Variants in ALK observed in about 807,000 individuals in gnomAD.
The protein encoded by ALK is ALK tyrosine kinase receptor.
In ALK, 74 loss-of-function variants were observed where a neutral mutation model predicts 163.1. That is an observed-to-expected ratio of 0.45 (90% CI 0.38 to 0.55). The LOEUF (loss-of-function observed/expected upper bound fraction) is 0.55, where lower values mean the gene tolerates loss of function less well. Among genes scored for constraint, ALK ranks in the 20% least tolerant of loss-of-function variants. The probability of loss-of-function intolerance (pLI) is 0.00; values close to 1 mark genes in which losing one functional copy is unlikely to be tolerated. For synonymous variants in ALK, 960 were observed against 843.2 expected (o/e 1.14, Z -2.40); for missense variants, 2,063 against 2,105.3 (o/e 0.98, Z 0.39).
At chr2:29,882,284 T>C (rs567986382) in intron 1 of ALK, among the ~76,000 whole-genome samples, 11 of 152,194 alleles carry the variant, frequency 7.2e-5, no homozygotes, top group African/African-American at 2.4e-4. Context: ...AAGCCACAAA[T>C]TGCAAACAAG....
chr2:29,838,275 G>C (rs1350513076), intron 1 of ALK, among the ~76,000 whole-genome samples: 1 of 152,008 alleles, frequency 6.6e-6, no homozygotes, highest in Non-Finnish European at 1.5e-5. Flanking sequence ...ATAAAAGTGA[G>C]ACAAAAAGTT....
At chr2:29,707,031 T>TGTGTGTGTG (rs1678931928) in intron 2 of ALK, among the ~76,000 whole-genome samples, 6 of 63,100 alleles carry the variant, frequency 9.5e-5, no homozygotes, top group East Asian at 4.9e-4. Context: ...GTGTGTGTGT[T>TGTGTGTGTG]GGGTAAGGAA....
At chr2:29,522,494 C>T (rs927164290) in intron 4 of ALK, among the ~76,000 whole-genome samples, 1 of 152,164 alleles carries the variant, frequency 6.6e-6, no homozygotes, top group Non-Finnish European at 1.5e-5. Flanking sequence ...CAGCCTCATT[C>T]TCTCCCTGTC....
chr2:29,353,723 T>C (rs1250573392), intron 5 of ALK, among the ~76,000 whole-genome samples: 1 of 140,178 alleles, frequency 7.1e-6, no homozygotes, highest in Non-Finnish European at 1.6e-5. Flanking sequence ...AGTGAGGATC[T>C]AAAAAAAAAA....
intron 9 of ALK, 71 bp from the exon 10 acceptor site, chr2:29,275,567 A>G: frequency 6.7e-7 from 1 of 1,495,664 alleles, no homozygotes. Context: ...AGCATCCAGC[A>G]GGTGTGTGCT....
At chr2:29,794,592 C>T (rs117167099) in intron 1 of ALK, among the ~76,000 whole-genome samples, 1 of 152,190 alleles carries the variant, frequency 6.6e-6, no homozygotes, top group East Asian at 1.9e-4. Flanking sequence ...TTCACGTGAA[C>T]ACTTAGAGGC....
In ALK at chr2:29,840,104, C is replaced by T. The variant is rs888424027; in HGVS notation, c.667+79889G>A. Among the ~76,000 whole-genome samples, 7 of 152,104 alleles carry T rather than the reference C, an allele frequency of 4.6e-5. No individual in the cohort carries two copies. In the South Asian group the frequency reaches 1.2e-3, roughly 27 times the overall value. ...TTTATTCTTAACTGCTACGTTATAC[C>T]GCCTCCTTGACATATATGTCTCATA... On this transcript the variant is annotated intron_variant, in intron 1 of 28. Transcript: ENST00000389048.
At chr2:29,905,565 GA>G (rs1667522707) in intron 1 of ALK, among the ~76,000 whole-genome samples, 1 of 151,460 alleles carries the variant, frequency 6.6e-6, no homozygotes, top group Non-Finnish European at 1.5e-5. Context: ...AAAGGAAAGG[GA>G]AAGGGAAGGG....
intron 3 of ALK, among the ~76,000 whole-genome samples, chr2:29,630,277 T>C (rs1676325517): frequency 6.6e-6 from 1 of 152,198 alleles, no homozygotes; most frequent in Non-Finnish European, 1.5e-5. Context: ...AAGTTCCTCC[T>C]CCTTGCAAAG....
intron 1 of ALK, among the ~76,000 whole-genome samples, chr2:29,731,878 T>C (rs976851367): frequency 1.3e-5 from 2 of 152,186 alleles, no homozygotes; most frequent in African/African-American, 4.8e-5. Flanking sequence ...CCCTGACTCC[T>C]TGGGAGGTTC....
At chr2:29,616,341 G>C (rs1255497892) in intron 3 of ALK, among the ~76,000 whole-genome samples, 2 of 152,200 alleles carry the variant, frequency 1.3e-5, no homozygotes, top group African/African-American at 4.8e-5. Context: ...GGGAGGAAAA[G>C]GGCAGAGCCA....
Position 29,694,971 on chromosome 2 carries a change from G to C in ALK, c.831C>G (p.Ser277=), listed in dbSNP as rs765615879. Residue 277 remains serine, a synonymous_variant, in exon 3 of 29, where the codon TCC becomes TCG. Transcript: ENST00000389048. ...GGTTCCTGAGGTCATGCAGTGGAGGGGAATACTCCAGCTCACAGGGGAAGT... is the reference window on the plus strand; with the variant it reads ...GGTTCCTGAGGTCATGCAGTGGAGGCGAATACTCCAGCTCACAGGGGAAGT... ...SFDFPCELEY[S]PPLHDLRNQS... is the part of the protein sequence containing the mutation. 7.4e-6 allele frequency: 12 copies of C among 1,613,918 alleles called. No homozygotes were observed. In the Admixed American group the frequency reaches 2.0e-4, roughly 27 times the overall value.
At chr2:29,324,213 C>T (rs955973848) in intron 6 of ALK, among the ~76,000 whole-genome samples, 3 of 152,180 alleles carry the variant, frequency 2.0e-5, no homozygotes, top group African/African-American at 4.8e-5. Flanking sequence ...CTAAGAGAGA[C>T]AAATTGGTAC....
chr2:29,731,498 G>C lies in ALK; in HGVS notation c.668-13801C>G, dbSNP rs142897970. Among the ~76,000 whole-genome samples the C allele has an allele frequency of 7.8e-3, 1,194 of 152,296 alleles. 14 individuals carry two copies. The highest frequency in any genetic ancestry group is 0.044 in the South Asian group (212 of 4,826). ...TGCAAGTGGCACTCTGTCTTCCCAA[G>C]ACTTCCTGGGTCTTGCTGTCACTGG... On this transcript the variant is annotated intron_variant, in intron 1 of 28. Transcript: ENST00000389048.
intron 4 of ALK, among the ~76,000 whole-genome samples, chr2:29,462,584 T>G (rs527956512): frequency 2.4e-4 from 36 of 152,304 alleles, no homozygotes; most frequent in African/African-American, 8.4e-4. Context: ...GGTATGTACA[T>G]TTTTTAGACA....
intron 1 of ALK, among the ~76,000 whole-genome samples, chr2:29,721,339 G>A (rs576401730): frequency 6.6e-6 from 1 of 152,246 alleles, no homozygotes; most frequent in South Asian, 2.1e-4. Flanking sequence ...GCAGGTAGAT[G>A]TGGTAGTGGG....
intron 3 of ALK, among the ~76,000 whole-genome samples, chr2:29,579,060 G>C (rs1171377342): frequency 6.6e-6 from 1 of 152,234 alleles, no homozygotes; most frequent in Non-Finnish European, 1.5e-5. Context: ...GTTCTGGAGA[G>C]CACCTGGCTT....
At chr2:29,330,250 G>C (rs369772414) in intron 5 of ALK, among the ~76,000 whole-genome samples, 9 of 152,280 alleles carry the variant, frequency 5.9e-5, no homozygotes, top group African/African-American at 2.2e-4. Flanking sequence ...CATGGACTCT[G>C]TGCTGCAGGC....
At chr2:29,669,382 T>C (rs1483140222) in intron 3 of ALK, among the ~76,000 whole-genome samples, 1 of 152,104 alleles carries the variant, frequency 6.6e-6, no homozygotes, top group Non-Finnish European at 1.5e-5. Context: ...GTCTTAGATT[T>C]TTAGTCTATT....
Sources: allele counts gnomAD v4.1 joint callset (sites outside exome capture counted in the v4.1 genomes callset), GRCh38; gene constraint gnomAD v4.1.1; transcripts MANE v1.5; gene names NCBI Gene and HGNC (gene_info 2026-07-23, HGNC 2026-07-21).